Variants in HECTD4 observed in about 807,000 individuals in gnomAD.
HECTD4 encodes probable E3 ubiquitin-protein ligase HECTD4.
Under a neutral mutation model 471.5 loss-of-function variants are expected in HECTD4, and 114 were observed. The observed-to-expected ratio is 0.24, with a 90% CI of 0.21 to 0.28. The LOEUF is 0.28. HECTD4 is among the 10% of genes least tolerant of loss of function. HECTD4 has a pLI of 1.00. For synonymous variants in HECTD4, 2,012 were observed against 2,256.0 expected (o/e 0.89, Z 3.07); for missense variants, 3,866 against 5,651.5 (o/e 0.68, Z 10.13).
Position 112,264,076 on chromosome 12 carries a change from G to C in HECTD4, c.2748+8C>G. 1 of 1,607,360 alleles carries C rather than the reference G, an allele frequency of 6.2e-7. No individual in the cohort carries two copies. The highest frequency in any genetic ancestry group is 2.2e-5 in the East Asian group (1 of 44,720). On this transcript the variant is annotated splice_region_variant and intron_variant, in intron 17 of 75. Coordinates refer to ENST00000682272, the MANE Select transcript of HECTD4 (RefSeq NM_001388303.1). ...GAACGCATCGTTAAAATAAAGCTTGGTGTTTACCTGTACCTTCAATGTCTC... is the reference window on the plus strand; with the variant it reads ...GAACGCATCGTTAAAATAAAGCTTGCTGTTTACCTGTACCTTCAATGTCTC...
intron 71 of HECTD4, 115 bp downstream of exon 71, chr12:112,167,699 T>C (rs970936700): frequency 1.8e-6 from 2 of 1,082,464 alleles, no homozygotes; most frequent in Admixed American, 1.9e-5. Context: ...TCCCCACAGA[T>C]TGGGAGGGTT....
chr12:112,363,555 G>A (rs2135751362), intron 1 of HECTD4, among the ~76,000 whole-genome samples: 1 of 152,268 alleles, frequency 6.6e-6, no homozygotes, highest in South Asian at 2.1e-4. Flanking sequence ...TTCATTCAAA[G>A]TCATTAATAT....
chr12:112,331,100 C>T (rs2035838102), intron 1 of HECTD4, among the ~76,000 whole-genome samples: 1 of 152,068 alleles, frequency 6.6e-6, no homozygotes, highest in Non-Finnish European at 1.5e-5. Context: ...GAGATGGAGT[C>T]TCGCTGTATC....
At chr12:112,297,313 A>T (rs1566103243) in intron 7 of HECTD4, among the ~76,000 whole-genome samples, 1 of 149,100 alleles carries the variant, frequency 6.7e-6, no homozygotes, top group Non-Finnish European at 1.5e-5. Context: ...GGTGCAGTGG[A>T]TGTAGGTGCA....
chr12:112,171,524 ATGCCAGGGCTG>A (rs1307682502), intron 67 of HECTD4, among the ~76,000 whole-genome samples: 1 of 152,242 alleles, frequency 6.6e-6, no homozygotes, highest in Non-Finnish European at 1.5e-5. Context: ...CTTCAGGGCC[ATGCCAGGGCTG>A]TGCACTACGT....
intron 1 of HECTD4, among the ~76,000 whole-genome samples, chr12:112,342,493 A>G (rs2036071085): frequency 6.6e-6 from 1 of 152,096 alleles, no homozygotes; most frequent in African/African-American, 2.4e-5. Context: ...ACAATAAGAA[A>G]TGTAATCTAG....
At chr12:112,304,238 ATTTTTTTT>A (rs760947859) in intron 7 of HECTD4, among the ~76,000 whole-genome samples, 6 of 104,378 alleles carry the variant, frequency 5.7e-5, no homozygotes, top group African/African-American at 2.3e-4. Context: ...TAAAGACCTA[ATTTTTTTT>A]TTTTTTTTTT....
intron 1 of HECTD4, among the ~76,000 whole-genome samples, chr12:112,345,788 G>A (rs1008988445): frequency 3.9e-5 from 6 of 152,224 alleles, no homozygotes; most frequent in South Asian, 2.1e-4. Flanking sequence ...CCAGCTACTC[G>A]GGAGGCTGAG....
chr12:112,279,602 T>A (rs2034592808), intron 8 of HECTD4, among the ~76,000 whole-genome samples: 1 of 152,236 alleles, frequency 6.6e-6, no homozygotes, highest in South Asian at 2.1e-4. Flanking sequence ...CCTATTTATA[T>A]GGTCTGAACA....
chr12:112,228,439 C>A lies in HECTD4; in HGVS notation c.6685-181G>T, dbSNP rs1265848402. Among the ~76,000 whole-genome samples, 1 of 152,138 alleles carries A rather than the reference C, an allele frequency of 6.6e-6. No individual in the cohort carries two copies. The highest frequency in any genetic ancestry group is 6.5e-5 in the Admixed American group (1 of 15,282). On this transcript the variant is annotated intron_variant, in intron 42 of 75. Coordinates refer to ENST00000682272, the MANE Select transcript of HECTD4 (RefSeq NM_001388303.1). The surrounding 1 kb of genome is among the most constrained non-coding windows in gnomAD (Gnocchi z 4.9). Reference sequence around the variant, plus strand: ...AAAATACATTGTAGAAGAGCCCTAACCAACAAAGAAATGAATTTGGTCATC... The same window carrying A: ...AAAATACATTGTAGAAGAGCCCTAAACAACAAAGAAATGAATTTGGTCATC...
chr12:112,186,559 A>G (rs1233068471), intron 60 of HECTD4, among the ~76,000 whole-genome samples: 2 of 148,294 alleles, frequency 1.3e-5, no homozygotes, highest in Non-Finnish European at 3.0e-5. Context: ...CTGGTCTTGA[A>G]CTCCTGACCT....
chr12:112,174,038 C>T (rs139110609), intron 66 of HECTD4, among the ~76,000 whole-genome samples: 88 of 149,722 alleles, frequency 5.9e-4, no homozygotes, highest in Middle Eastern at 3.4e-3. Context: ...AGTGCAATGG[C>T]GCAATCTCAG....
Position 112,172,846 on chromosome 12 carries a change from A to G in HECTD4, c.11610T>C (p.Asp3870=), listed in dbSNP as rs757154907. The G allele has an allele frequency of 2.5e-6, 4 of 1,613,982 alleles. No individual in the cohort carries two copies. The highest frequency in any genetic ancestry group is 3.4e-6 in the Non-Finnish European group (4 of 1,179,882). ...DLHFERCACI[D]VRHAQKASRK... ...TTGAGGCCTTCTGTGCATGTCGGAC[A>G]TCGATGCATGCGCACCTTGGGGTGG... is the stretch of plus-strand genomic sequence containing the variant. Residue 3870 remains aspartate, a synonymous_variant, in exon 67 of 76, where the codon GAT becomes GAC. Coordinates refer to ENST00000682272, the MANE Select transcript of HECTD4 (RefSeq NM_001388303.1).
Position 112,221,181 on chromosome 12 carries a change from T to TA in HECTD4, c.6971-1693dup, listed in dbSNP as rs549391844. On this transcript the variant is annotated intron_variant, in intron 44 of 75. Coordinates refer to ENST00000682272, the MANE Select transcript of HECTD4 (RefSeq NM_001388303.1). ...TTGCCCAGCATATAAAAATTACAATTAAAAAAAAGCACCTGTTTTAAAGTG... is the reference window on the plus strand; with the variant it reads ...TTGCCCAGCATATAAAAATTACAATTAAAAAAAAAGCACCTGTTTTAAAGTG... 1.8e-4 allele frequency among the ~76,000 whole-genome samples: 28 copies of TA among 152,014 alleles called. No homozygotes were observed. The South Asian group carries it at 2.1e-3, about 11-fold the overall frequency.
At chr12:112,203,441 G>A in intron 54 of HECTD4, 195 bp downstream of exon 54, 1 of 483,256 alleles carries the variant, frequency 2.1e-6, no homozygotes, top group Non-Finnish European at 3.7e-6. Flanking sequence ...ACCATCTACT[G>A]CCAGCCCTGA....
In HECTD4 at chr12:112,185,212, T is replaced by C; in HGVS notation, c.9754A>G (p.Thr3252Ala). ...CCTTCCATGAGTGCATGAAAATACG[T>C]AGAGAACCTGCCCTGGTCACCGGCC... ...AAAGDQGRFS[T>A]YFHALMEGCL... The change falls in exon 61 of 76, where the codon ACG becomes GCG. Residue 3252 changes from threonine to alanine, a missense_variant. This residue lies in a region of HECTD4 where 364 missense variants were observed against 413.2 expected (regional missense o/e 0.88). Coordinates refer to ENST00000682272, the MANE Select transcript of HECTD4 (RefSeq NM_001388303.1). The C allele has an allele frequency of 6.4e-7, 1 of 1,551,364 alleles. No individual in the cohort carries two copies. The highest frequency in any genetic ancestry group is 1.4e-5 in the African/African-American group (1 of 73,154).
At position 112,273,684 on chromosome 12, in the gene HECTD4, C is replaced by G. The variant is rs190650887; in HGVS notation, c.1913G>C (p.Gly638Ala). The G allele has an allele frequency of 2.5e-6, 4 of 1,613,878 alleles. No individual in the cohort carries two copies. The Admixed American group carries it at 6.7e-5, about 27-fold the overall frequency. ...GGGCTCAGTGATAATGTGACTGACT[C>G]CAAGTCTCTGGCAGACATAATGGAA... ...QAFHYVCQRL[G>A]VSHIITEPKE... The change falls in exon 11 of 76, where the codon GGA (glycine) becomes GCA (alanine). Residue 638 changes from glycine to alanine, a missense_variant. Gly to Ala is a moderately conservative substitution (Grantham distance 60). Around this residue, in one of 16 missense-constraint regions of HECTD4, gnomAD observed 525 missense variants for 672.6 expected, o/e 0.78. Transcript: ENST00000682272.
At chr12:112,316,230 T>A (rs2035475905) in intron 2 of HECTD4, among the ~76,000 whole-genome samples, 1 of 152,110 alleles carries the variant, frequency 6.6e-6, no homozygotes, top group African/African-American at 2.4e-5. Context: ...GCCACTCCAT[T>A]TACGTGGAAC....
At position 112,264,225 on chromosome 12, in the gene HECTD4, TA is replaced by T; in HGVS notation, c.2620-14del. ...AGGAGGATGCAGCCTTTAATACAAATAAGGGCATTTAAATGATCTAAATCCT... is the reference window on the plus strand; with the variant it reads ...AGGAGGATGCAGCCTTTAATACAAATAGGGCATTTAAATGATCTAAATCCT... On this transcript the variant is annotated splice_polypyrimidine_tract_variant and intron_variant, in intron 16 of 75. Transcript: ENST00000682272. The T allele has an allele frequency of 6.4e-7, 1 of 1,560,842 alleles. No homozygotes were observed. Among genetic ancestry groups the T allele is most frequent in the Non-Finnish European group, 8.7e-7 (1 of 1,151,164 alleles).
Sources: allele counts gnomAD v4.1 joint callset (sites outside exome capture counted in the v4.1 genomes callset), GRCh38; gene constraint gnomAD v4.1.1; regional missense constraint gnomAD v4.1.1; non-coding constraint Gnocchi (gnomAD v3.1); transcripts MANE v1.5; gene names NCBI Gene and HGNC (gene_info 2026-07-23, HGNC 2026-07-21).